Variants in LUZP2 observed in about 807,000 individuals in gnomAD.
LUZP2 encodes the protein leucine zipper protein 2.
A neutral mutation model predicts 51.6 loss-of-function variants in LUZP2; 52 were observed. That is an observed-to-expected ratio of 1.01 (90% confidence interval 0.81 to 1.27). LUZP2 has a LOEUF of 1.27. Among genes scored for constraint, LUZP2 ranks in the 50% most tolerant of loss-of-function variants. The pLI, the probability that LUZP2 is intolerant of heterozygous loss-of-function variation, is 0.00. For synonymous variants in LUZP2, 154 were observed against 137.3 expected, an observed-to-expected ratio of 1.12 and a Z score of -0.85; for missense variants, 436 against 395.4, an observed-to-expected ratio of 1.10 and a Z score of -0.87.
intron 1 of LUZP2, among the ~76,000 whole-genome samples, chr11:24,583,760 G>GT (rs1990144715): frequency 1.3e-5 from 2 of 150,452 alleles, no homozygotes; most frequent in Admixed American, 1.3e-4. Flanking sequence ...CTGGAGCTCA[G>GT]TGGGGCGATC....
intron 5 of LUZP2, among the ~76,000 whole-genome samples, chr11:24,899,092 C>T (rs1480518834): frequency 2.0e-5 from 3 of 151,984 alleles, no homozygotes; most frequent in Non-Finnish European, 4.4e-5. Flanking sequence ...AATTTTCATA[C>T]GTTGGATGAT....
chr11:25,071,180 TTCTAA>T (rs1859147449), intron 10 of LUZP2, among the ~76,000 whole-genome samples: 1 of 151,986 alleles, frequency 6.6e-6, no homozygotes, highest in South Asian at 2.1e-4. Flanking sequence ...CTTAACACAG[TTCTAA>T]TCTATAGTAA....
intron 5 of LUZP2, among the ~76,000 whole-genome samples, chr11:24,870,749 G>T (rs933571582): frequency 6.6e-6 from 1 of 151,964 alleles, no homozygotes; most frequent in African/African-American, 2.4e-5. Context: ...CCTTAAGGGG[G>T]TTTCTCTCGG....
At chr11:25,004,774 G>T (rs547911149) in intron 9 of LUZP2, among the ~76,000 whole-genome samples, 2 of 152,258 alleles carry the variant, frequency 1.3e-5, no homozygotes, top group South Asian at 4.1e-4. Context: ...CAGTCCCCAA[G>T]ATCTGAGTTG....
intron 9 of LUZP2, among the ~76,000 whole-genome samples, chr11:25,013,906 C>T (rs535242059): frequency 6.6e-6 from 1 of 152,056 alleles, no homozygotes; most frequent in African/African-American, 2.4e-5. Flanking sequence ...CCTGTCCCCC[C>T]ACCCCATGAC....
chr11:24,940,535 C>T (rs899360261), intron 7 of LUZP2, among the ~76,000 whole-genome samples: 2 of 152,104 alleles, frequency 1.3e-5, no homozygotes, highest in Non-Finnish European at 2.9e-5. Flanking sequence ...CCTTATGTTT[C>T]TCTTTTTTTC....
chr11:25,009,571 T>A (rs1487756756), intron 9 of LUZP2, among the ~76,000 whole-genome samples: 1 of 152,144 alleles, frequency 6.6e-6, no homozygotes, highest in Non-Finnish European at 1.5e-5. Context: ...CTTTTAAATA[T>A]GTATAAGAAG....
chr11:24,921,004 A>G (rs1209431108), intron 7 of LUZP2, among the ~76,000 whole-genome samples: 2 of 152,150 alleles, frequency 1.3e-5, no homozygotes, highest in Non-Finnish European at 2.9e-5. Context: ...TAAAAATAAT[A>G]CAGTAAAAAT....
chr11:24,734,770 G>T (rs777771651), intron 3 of LUZP2, among the ~76,000 whole-genome samples: 1 of 151,994 alleles, frequency 6.6e-6, no homozygotes, highest in South Asian at 2.1e-4. Flanking sequence ...ATCACCTTTG[G>T]TTATCAAAAA....
chr11:24,960,625 A>G (rs889138680), intron 7 of LUZP2, among the ~76,000 whole-genome samples: 1 of 151,150 alleles, frequency 6.6e-6, no homozygotes, highest in African/African-American at 2.4e-5. Flanking sequence ...TGTCTATTTG[A>G]TTCTTCTCTC....
intron 1 of LUZP2, among the ~76,000 whole-genome samples, chr11:24,719,786 GA>G (rs1194357505): frequency 3.3e-5 from 5 of 152,238 alleles, no homozygotes; most frequent in Admixed American, 3.3e-4. Flanking sequence ...GCCTAAACCT[GA>G]AAAATACTCC....
chr11:24,993,217 G>A (rs1856402650), intron 9 of LUZP2, among the ~76,000 whole-genome samples: 1 of 152,008 alleles, frequency 6.6e-6, no homozygotes. Context: ...GACTGATCTG[G>A]CCTGAAAACT....
intron 4 of LUZP2, among the ~76,000 whole-genome samples, chr11:24,741,275 A>C (rs1433617787): frequency 3.9e-5 from 6 of 151,994 alleles, no homozygotes; most frequent in Admixed American, 3.9e-4. Flanking sequence ...AATCAGACAT[A>C]TTACCTGTCT....
At chr11:24,675,474 AG>A (rs1245537326) in intron 1 of LUZP2, among the ~76,000 whole-genome samples, 6 of 152,206 alleles carry the variant, frequency 3.9e-5, no homozygotes, top group Non-Finnish European at 8.8e-5. Context: ...TTGTAAGTGC[AG>A]AACTGCTCAG....
chr11:24,519,284 C>G (rs916411755), intron 1 of LUZP2, among the ~76,000 whole-genome samples: 1 of 152,018 alleles, frequency 6.6e-6, no homozygotes, highest in East Asian at 1.9e-4. Context: ...CCCCTCAACC[C>G]AACTTTATCT....
At chr11:24,768,791 C>T (rs1860290914) in intron 5 of LUZP2, among the ~76,000 whole-genome samples, 6 of 152,080 alleles carry the variant, frequency 3.9e-5, no homozygotes, top group Admixed American at 1.3e-4. Context: ...CTGTTATACA[C>T]TAGGGGTGGG....
chr11:24,689,307 G>A lies in LUZP2; in HGVS notation c.63-39862G>A, dbSNP rs543026408. ...TCCAAGCATTTGGAAGGGACAGCAT[G>A]CACAGTGTATTTACTGAAGTTGTAT... is the stretch of plus-strand genomic sequence containing the variant. On this transcript the variant is annotated intron_variant, in intron 1 of 11. Transcript: ENST00000336930. 2.0e-5 allele frequency among the ~76,000 whole-genome samples: 3 copies of A among 152,290 alleles called. No individual in the cohort carries two copies. The South Asian group carries it at 6.2e-4, about 32-fold the overall frequency.
At chr11:24,590,522 G>T (rs1853222584) in intron 1 of LUZP2, among the ~76,000 whole-genome samples, 1 of 152,084 alleles carries the variant, frequency 6.6e-6, no homozygotes. Context: ...TTATAATAAT[G>T]ACACTATTAT....
At chr11:24,879,292 C>T (rs770569034) in intron 5 of LUZP2, among the ~76,000 whole-genome samples, 4 of 152,068 alleles carry the variant, frequency 2.6e-5, no homozygotes, top group Non-Finnish European at 5.9e-5. Flanking sequence ...TGTATATGTA[C>T]CACATTTTCT....
Sources: gnomAD v4.1 joint callset for allele counts (sites outside exome capture counted in the v4.1 genomes callset) on GRCh38, gnomAD v4.1.1 for gene constraint, MANE v1.5 for transcripts, NCBI Gene and HGNC (gene_info 2026-07-23, HGNC 2026-07-21) for gene names.